ZFHX3: variants seen among roughly 807,000 people sequenced by gnomAD.
ZFHX3 encodes the protein zinc finger homeobox 3.
In ZFHX3, 42 loss-of-function variants were observed where a neutral mutation model predicts 279.1. The observed-to-expected ratio is 0.15, with a 90% CI of 0.12 to 0.19. The LOEUF (loss-of-function observed/expected upper bound fraction) is 0.19, where lower values mean the gene tolerates loss of function less well. Among genes scored for constraint, ZFHX3 ranks in the 10% least tolerant of loss-of-function variants. The probability of loss-of-function intolerance (pLI) is 1.00; values close to 1 mark genes in which losing one functional copy is unlikely to be tolerated. For synonymous variants in ZFHX3, 2,293 were observed against 1,957.8 expected (o/e 1.17, Z -4.52); for missense variants, 4,981 against 4,754.0 (o/e 1.05, Z -1.40).
chr16:72,800,104 G>A lies in ZFHX3; in HGVS notation c.3890C>T (p.Pro1297Leu). The change falls in exon 8 of 10, where the codon CCA becomes CTA. Residue 1297 changes from proline (P) to leucine (L), a missense_variant. Pro to Leu is a moderately conservative substitution (Grantham distance 98). Coordinates refer to ENST00000268489, the MANE Select transcript of ZFHX3 (RefSeq NM_006885.4). ...AGCTGCTGGGAGGAACATGCTGCTT[G>A]GCATCACCATCTCAGGGGTGGTCAC... ...MTVTTPEMVM[P>L]SSMFLPAAVP... The A allele has an allele frequency of 6.2e-7, 1 of 1,614,138 alleles. No homozygotes were observed. Among genetic ancestry groups the A allele is most frequent in the South Asian group, 1.1e-5 (1 of 91,070 alleles).
chr16:72,850,536 G>C (rs1310898405), intron 4 of ZFHX3, among the ~76,000 whole-genome samples: 1 of 152,186 alleles, frequency 6.6e-6, no homozygotes, highest in African/African-American at 2.4e-5. Flanking sequence ...ATTGATTAGA[G>C]GAGGCTCAAG....
rs1217110561 is a variant in ZFHX3, at chr16:73,778,767, G to C, written c.-1607-98527C>G. Reference sequence around the variant, plus strand: ...GAAAATACAATGGTAAGACGGCAATGCAGGATTGCTGGCTCCAAATAACAC... The same window carrying C: ...GAAAATACAATGGTAAGACGGCAATCCAGGATTGCTGGCTCCAAATAACAC... On this transcript the variant is annotated intron_variant, in intron 1 of 17. Coordinates refer to the ZFHX3 transcript ENST00000641206. 2.0e-5 allele frequency among the ~76,000 whole-genome samples: 3 copies of C among 152,214 alleles called. No individual in the cohort carries two copies. The East Asian group carries it at 5.8e-4, about 29-fold the overall frequency.
chr16:72,883,374 G>C (rs1196937573), intron 4 of ZFHX3, among the ~76,000 whole-genome samples: 1 of 152,082 alleles, frequency 6.6e-6, no homozygotes, highest in African/African-American at 2.4e-5. Context: ...CTTCTTCGTA[G>C]CCTGTTAGTG....
At chr16:73,017,287 G>A (rs1401695993) in intron 1 of ZFHX3, among the ~76,000 whole-genome samples, 1 of 151,760 alleles carries the variant, frequency 6.6e-6, no homozygotes, top group African/African-American at 2.4e-5. Context: ...CAATTTGAAT[G>A]TGTTCCCAAG....
At chr16:72,965,967 T>C (rs1364793040) in intron 1 of ZFHX3, among the ~76,000 whole-genome samples, 1 of 152,218 alleles carries the variant, frequency 6.6e-6, no homozygotes, top group Admixed American at 6.5e-5. Context: ...AGTCTGCTTT[T>C]TTATCTTAAT....
At chr16:73,647,896 G>T (rs1283045364) in intron 2 of ZFHX3, among the ~76,000 whole-genome samples, 7 of 151,976 alleles carry the variant, frequency 4.6e-5, no homozygotes, top group Non-Finnish European at 7.4e-5. Flanking sequence ...TCAGTTTATA[G>T]AAAATAAATA....
chr16:73,052,481 T>C (rs1488705117), upstream of ZFHX3, among the ~76,000 whole-genome samples: 2 of 152,302 alleles, frequency 1.3e-5, no homozygotes, highest in Non-Finnish European at 2.9e-5. Context: ...CCTATTTTCC[T>C]ATCTTTTCAT....
intron 1 of ZFHX3, among the ~76,000 whole-genome samples, chr16:72,972,676 C>T (rs1429894750): frequency 1.3e-5 from 2 of 152,132 alleles, no homozygotes; most frequent in African/African-American, 2.4e-5. Flanking sequence ...CCAAAGTCAT[C>T]GGTGTCCTCC....
At position 72,910,564 on chromosome 16, in the gene ZFHX3, A is replaced by C. The variant is rs187110874; in HGVS notation, c.3217-20602T>G. On this transcript the variant is annotated intron_variant, in intron 3 of 9. Coordinates refer to ENST00000268489, the MANE Select transcript of ZFHX3 (RefSeq NM_006885.4). ...TTACACAGCTCAAATGATTCTCATA[A>C]GCACCTTGAGACATTAGGCAGTGGA... Among the ~76,000 whole-genome samples the C allele has an allele frequency of 1.7e-4, 26 of 152,300 alleles. 1 individual carries two copies. The highest frequency in any genetic ancestry group is 1.6e-3 in the Admixed American group (25 of 15,300).
At chr16:73,319,834 G>A (rs1429569303) in intron 3 of ZFHX3, among the ~76,000 whole-genome samples, 2 of 152,242 alleles carry the variant, frequency 1.3e-5, no homozygotes, top group South Asian at 4.1e-4. Flanking sequence ...GAAGAAGAGA[G>A]AGGAGAGAGA....
chr16:73,331,437 A>G (rs1013512971), intron 3 of ZFHX3, among the ~76,000 whole-genome samples: 2 of 152,196 alleles, frequency 1.3e-5, no homozygotes, highest in Non-Finnish European at 2.9e-5. Flanking sequence ...CTATTCCTCA[A>G]TGTGACAAGA....
At chr16:72,865,813 C>T (rs1246710380) in intron 4 of ZFHX3, among the ~76,000 whole-genome samples, 2 of 152,126 alleles carry the variant, frequency 1.3e-5, no homozygotes, top group Admixed American at 1.3e-4. Context: ...GGGCTGTGTG[C>T]CCTGCAGGCT....
At chr16:73,393,694 G>A (rs1004007266) in intron 3 of ZFHX3, among the ~76,000 whole-genome samples, 2 of 152,070 alleles carry the variant, frequency 1.3e-5, no homozygotes, top group Admixed American at 6.6e-5. Flanking sequence ...TCTCCAAAAC[G>A]AGAGGACAAT....
chr16:73,406,360 G>A (rs976649643), intron 3 of ZFHX3, among the ~76,000 whole-genome samples: 2 of 152,288 alleles, frequency 1.3e-5, no homozygotes, highest in South Asian at 2.1e-4. Context: ...CCCAGGAACC[G>A]TCACAGAGTT....
At chr16:73,173,766 C>T (rs1311630342) in intron 5 of ZFHX3, among the ~76,000 whole-genome samples, 2 of 152,136 alleles carry the variant, frequency 1.3e-5, no homozygotes, top group Admixed American at 6.5e-5. Flanking sequence ...CACAAGATAG[C>T]CACGGATATA....
intron 5 of ZFHX3, among the ~76,000 whole-genome samples, chr16:73,203,761 T>A (rs1412622900): frequency 1.3e-5 from 2 of 152,246 alleles, no homozygotes; most frequent in Admixed American, 6.5e-5. Context: ...TAGGCTGTAC[T>A]AAGAGACTTA....
chr16:73,135,527 C>T (rs889179045), intron 6 of ZFHX3, among the ~76,000 whole-genome samples: 1 of 152,222 alleles, frequency 6.6e-6, no homozygotes, highest in Admixed American at 6.5e-5. Flanking sequence ...ACCCTGCTGC[C>T]ATTTTTAGTT....
At chr16:73,634,236 C>G (rs2052506235) in intron 2 of ZFHX3, among the ~76,000 whole-genome samples, 1 of 151,522 alleles carries the variant, frequency 6.6e-6, no homozygotes, top group Non-Finnish European at 1.5e-5. Flanking sequence ...CCAGTGAACT[C>G]CAATTTCACA....
At chr16:73,844,287 TG>T (rs1028965547) in intron 1 of ZFHX3, among the ~76,000 whole-genome samples, 1 of 152,126 alleles carries the variant, frequency 6.6e-6, no homozygotes, top group African/African-American at 2.4e-5. Flanking sequence ...GTTATATGAC[TG>T]GGGGGGTTGA....
Sources: allele counts gnomAD v4.1 joint callset (sites outside exome capture counted in the v4.1 genomes callset), GRCh38; gene constraint gnomAD v4.1.1; transcripts MANE v1.5; gene names NCBI Gene and HGNC (gene_info 2026-07-23, HGNC 2026-07-21).